Variants in AGBL1 observed in about 807,000 individuals in gnomAD.
AGBL1 encodes the protein cytosolic carboxypeptidase 4.
In AGBL1, 130 loss-of-function variants were observed where a neutral mutation model predicts 118.9. The observed-to-expected ratio is 1.09, with a 90% CI of 0.95 to 1.26. The LOEUF is 1.26. Ranked by LOEUF, AGBL1 falls within the 50% of genes most tolerant of loss-of-function variation. The pLI is 0.00. For missense variants in AGBL1, 1,584 were observed against 1,298.1 expected, an observed-to-expected ratio of 1.22 and a Z score of -3.38; for synonymous variants, 555 against 478.9, an observed-to-expected ratio of 1.16 and a Z score of -2.08.
At chr15:86,753,573 T>C (rs1307134459) in intron 22 of AGBL1, among the ~76,000 whole-genome samples, 1 of 151,934 alleles carries the variant, frequency 6.6e-6, no homozygotes, top group African/African-American at 2.4e-5. Context: ...AATTTTTGTA[T>C]TTTTAGTAGA....
In AGBL1 at chr15:86,185,693, G is replaced by A. The variant is rs964708000; in HGVS notation, c.488+26667G>A. 2.0e-5 allele frequency among the ~76,000 whole-genome samples: 3 copies of A among 151,550 alleles called. No individual in the cohort carries two copies. The South Asian group carries it at 6.3e-4, about 32-fold the overall frequency. On this transcript the variant is annotated intron_variant, in intron 5 of 22. Transcript: ENST00000614907. ...ACACTGCATGTTCCCGCTCATAGGTGGGAATTGAACAATGAGAACACTTGG... is the reference window on the plus strand; with the variant it reads ...ACACTGCATGTTCCCGCTCATAGGTAGGAATTGAACAATGAGAACACTTGG...
intron 21 of AGBL1, among the ~76,000 whole-genome samples, chr15:86,597,419 G>A (rs2084427371): frequency 6.6e-6 from 1 of 152,044 alleles, no homozygotes; most frequent in Non-Finnish European, 1.5e-5. Context: ...CCATGGTATG[G>A]GTATTTATAC....
chr15:86,091,974 A>ATATC (rs1896058274), intron 1 of AGBL1, among the ~76,000 whole-genome samples: 1 of 152,146 alleles, frequency 6.6e-6, no homozygotes, highest in African/African-American at 2.4e-5. Flanking sequence ...ACTAGGTGGT[A>ATATC]TATCTCTCTT....
chr15:87,030,340 C>A (rs1403022762), downstream of AGBL1, among the ~76,000 whole-genome samples: 1 of 151,848 alleles, frequency 6.6e-6, no homozygotes, highest in Non-Finnish European at 1.5e-5. Context: ...ATTTAAATAC[C>A]CAATCGTTTT....
intron 21 of AGBL1, among the ~76,000 whole-genome samples, chr15:86,638,644 C>G (rs546763666): frequency 6.6e-6 from 1 of 152,168 alleles, no homozygotes; most frequent in African/African-American, 2.4e-5. Flanking sequence ...GAATAGAGAG[C>G]TTGCCTTAAG....
At chr15:86,602,042 CCTT>C (rs1303737771) in intron 21 of AGBL1, among the ~76,000 whole-genome samples, 3 of 152,088 alleles carry the variant, frequency 2.0e-5, no homozygotes, top group Non-Finnish European at 4.4e-5. Context: ...TCCCTCCCTT[CCTT>C]CTTCTTTCCC....
chr15:86,884,273 G>T (rs1156637379), intron 22 of AGBL1, among the ~76,000 whole-genome samples: 1 of 152,184 alleles, frequency 6.6e-6, no homozygotes, highest in Non-Finnish European at 1.5e-5. Context: ...GAATGGGCAG[G>T]TAGTATACAC....
intron 23 of AGBL1, among the ~76,000 whole-genome samples, chr15:86,949,487 G>C (rs549148840): frequency 6.6e-6 from 1 of 152,032 alleles, no homozygotes; most frequent in South Asian, 2.1e-4. Context: ...TCCTAGAATA[G>C]AGAGGATAAC....
chr15:86,313,921 G>T (rs2079958054), intron 17 of AGBL1, among the ~76,000 whole-genome samples: 1 of 152,152 alleles, frequency 6.6e-6, no homozygotes, highest in Admixed American at 6.5e-5. Context: ...CATTTTTAGA[G>T]CTGAGGCTCA....
rs140815455 is a variant in AGBL1, at chr15:86,608,849, T to G, written c.2994+54312T>G. Among the ~76,000 whole-genome samples the G allele has an allele frequency of 1.1e-4, 16 of 152,322 alleles. No homozygotes were observed. The East Asian group carries it at 3.1e-3, about 29-fold the overall frequency. ...ATGTTGGCAATGAGTTTGGACCCTGTGAGCATCATGAAACATATCTATAAA... is the reference window on the plus strand; with the variant it reads ...ATGTTGGCAATGAGTTTGGACCCTGGGAGCATCATGAAACATATCTATAAA... On this transcript the variant is annotated intron_variant, in intron 21 of 22. Coordinates refer to ENST00000614907, the MANE Select transcript of AGBL1 (RefSeq NM_001386094.1).
rs535584028 is a variant in AGBL1 at position 86,610,186 on chromosome 15, G to A, written c.2994+55649G>A. Among the ~76,000 whole-genome samples the A allele has an allele frequency of 7.2e-5, 11 of 152,222 alleles. No individual in the cohort carries two copies. The South Asian group carries it at 1.2e-3, about 17-fold the overall frequency. The stretch of plus-strand genomic sequence containing the variant: ...ACATTCAATGGAAGATAGTCATTTC[G>A]TCTCTTTTGACATGACAGCACTGTG... On this transcript the variant is annotated intron_variant, in intron 21 of 22. Coordinates refer to ENST00000614907, the MANE Select transcript of AGBL1 (RefSeq NM_001386094.1).
chr15:86,662,110 A>G (rs1304565735), intron 21 of AGBL1, among the ~76,000 whole-genome samples: 3 of 88,804 alleles, frequency 3.4e-5, no homozygotes, highest in Non-Finnish European at 8.7e-5. Flanking sequence ...ATTGGAGAAA[A>G]ATAAAGATTT....
At chr15:86,338,463 G>A (rs1253571841) in intron 17 of AGBL1, among the ~76,000 whole-genome samples, 1 of 152,010 alleles carries the variant, frequency 6.6e-6, no homozygotes, top group Non-Finnish European at 1.5e-5. Context: ...GTAGAAGAGT[G>A]ATACGTTATG....
At chr15:86,872,803 C>G (rs905340191) in intron 22 of AGBL1, among the ~76,000 whole-genome samples, 1 of 151,952 alleles carries the variant, frequency 6.6e-6, no homozygotes, top group Non-Finnish European at 1.5e-5. Context: ...GTTACAAATC[C>G]ATAATGATAT....
At chr15:86,974,410 A>T (rs1260533598) in intron 23 of AGBL1, among the ~76,000 whole-genome samples, 1 of 122,498 alleles carries the variant, frequency 8.2e-6, no homozygotes, top group Non-Finnish European at 1.6e-5. Context: ...AACATATTAA[A>T]TATAAACATA....
At chr15:86,393,916 G>A (rs935949478) in intron 17 of AGBL1, among the ~76,000 whole-genome samples, 3 of 152,102 alleles carry the variant, frequency 2.0e-5, no homozygotes, top group African/African-American at 7.2e-5. Flanking sequence ...GAACTCAGTT[G>A]TCCCTTCCAC....
intron 23 of AGBL1, among the ~76,000 whole-genome samples, chr15:86,973,890 T>TACATATATATATTAAATATAA (rs1452535014): frequency 2.1e-5 from 3 of 141,630 alleles, no homozygotes; most frequent in African/African-American, 5.1e-5. Flanking sequence ...CATGAATATA[T>TACATATATATATTAAATATAA]ACATATATAT....
At chr15:86,987,873 T>G in intron 23 of AGBL1, 1 of 1,256,444 alleles carries the variant, frequency 8.0e-7, no homozygotes, top group Non-Finnish European at 1.1e-6. Context: ...ATATATCCTA[T>G]TAAAGTTTGT....
chr15:86,841,885 T>C (rs905962276), intron 22 of AGBL1, among the ~76,000 whole-genome samples: 3 of 152,074 alleles, frequency 2.0e-5, no homozygotes, highest in Admixed American at 6.6e-5. Context: ...ACAAATCAGA[T>C]TTAAATACCA....
Sources: gnomAD v4.1 joint callset for allele counts (sites outside exome capture counted in the v4.1 genomes callset) on GRCh38, gnomAD v4.1.1 for gene constraint, MANE v1.5 for transcripts, NCBI Gene and HGNC (gene_info 2026-07-23, HGNC 2026-07-21) for gene names.